The following KCND2 variants were observed in gnomAD, a reference collection of about 807,000 sequenced individuals.
KCND2 encodes the protein A-type voltage-gated potassium channel KCND2.
Under a neutral mutation model 54.4 loss-of-function variants are expected in KCND2, and 16 were observed. The ratio of observed to expected loss-of-function variants is 0.29; its 90% CI spans 0.20 to 0.45. The LOEUF (loss-of-function observed/expected upper bound fraction) is 0.45. Ranked by LOEUF, KCND2 falls within the 20% of genes least tolerant of loss-of-function variation. The pLI, the probability that KCND2 is intolerant of heterozygous loss-of-function variation, is 1.00. For missense variants in KCND2, 486 were observed against 824.2 expected, an observed-to-expected ratio of 0.59 and a Z score of 5.02; for synonymous variants, 317 against 310.7, an observed-to-expected ratio of 1.02 and a Z score of -0.21.
chr7:120,741,453 T>C (rs2116175452), intron 2 of KCND2, 81 bp from the exon 3 acceptor site: 1 of 945,304 alleles, frequency 1.1e-6, no homozygotes, highest in South Asian at 1.3e-5. Flanking sequence ...AGGCTGACAA[T>C]AGGATTATAC....
intron 1 of KCND2, among the ~76,000 whole-genome samples, chr7:120,390,411 C>T (rs1463123227): frequency 6.6e-6 from 1 of 151,932 alleles, no homozygotes; most frequent in East Asian, 1.9e-4. Context: ...TTATGGTCAG[C>T]ACTTACATAT....
At chr7:120,659,602 A>C (rs1791842229) in intron 1 of KCND2, among the ~76,000 whole-genome samples, 1 of 152,248 alleles carries the variant, frequency 6.6e-6, no homozygotes, top group South Asian at 2.1e-4. Flanking sequence ...TGTTCATTGC[A>C]TACCAGGAGT....
At chr7:120,453,527 G>A (rs543091206) in intron 1 of KCND2, among the ~76,000 whole-genome samples, 2 of 152,224 alleles carry the variant, frequency 1.3e-5, no homozygotes, top group South Asian at 2.1e-4. Context: ...ACCATAAAAC[G>A]ATCCTTAGCA....
At chr7:120,472,802 C>T (rs1802478226) in intron 1 of KCND2, among the ~76,000 whole-genome samples, 1 of 152,016 alleles carries the variant, frequency 6.6e-6, no homozygotes, top group Admixed American at 6.6e-5. Flanking sequence ...TTTGTGAAGA[C>T]AAAGTGGTGG....
At chr7:120,518,096 A>G (rs1803221539) in intron 1 of KCND2, among the ~76,000 whole-genome samples, 1 of 152,136 alleles carries the variant, frequency 6.6e-6, no homozygotes, top group Non-Finnish European at 1.5e-5. Flanking sequence ...CCATATCTCT[A>G]CACAAAGTGA....
chr7:120,671,656 A>G (rs1046105308), intron 1 of KCND2, among the ~76,000 whole-genome samples: 1 of 152,092 alleles, frequency 6.6e-6, no homozygotes, highest in African/African-American at 2.4e-5. Context: ...ACCAGATCTT[A>G]TCATCATTCC....
rs149681489 is a variant in KCND2, at chr7:120,724,867, G to A, written c.1116-8036G>A. ...TTTAAAAATCATAATTTTATAAAAT[G>A]AGGGAATAAAGTGTTAAAAACATGG... On this transcript the variant is annotated intron_variant, in intron 1 of 5. Coordinates refer to ENST00000331113, the MANE Select transcript of KCND2 (RefSeq NM_012281.3). 3.4e-3 allele frequency among the ~76,000 whole-genome samples: 521 copies of A among 152,206 alleles called. 2 individuals carry two copies. The highest frequency in any genetic ancestry group is 0.011 in the African/African-American group (476 of 41,530).
chr7:120,675,903 G>C (rs1792055397), intron 1 of KCND2, among the ~76,000 whole-genome samples: 1 of 145,194 alleles, frequency 6.9e-6, no homozygotes, highest in East Asian at 2.0e-4. Flanking sequence ...TGTCTCCCAG[G>C]CTGGAGTACG....
chr7:120,514,439 G>A (rs73437840), intron 1 of KCND2, among the ~76,000 whole-genome samples: 1,606 of 152,078 alleles, frequency 0.011, 32 homozygotes, highest in African/African-American at 0.037. Flanking sequence ...ACAAATACAC[G>A]TCACACTAAG....
At chr7:120,329,090 G>A (rs964558805) in intron 1 of KCND2, among the ~76,000 whole-genome samples, 17 of 149,246 alleles carry the variant, frequency 1.1e-4, no homozygotes, top group African/African-American at 3.4e-4. Context: ...AGATGAAACT[G>A]AAAGATAATT....
intron 1 of KCND2, among the ~76,000 whole-genome samples, chr7:120,523,384 T>G (rs1388907315): frequency 1.3e-5 from 2 of 151,334 alleles, no homozygotes; most frequent in Non-Finnish European, 3.0e-5. Context: ...ATAATAAACT[T>G]TAAAATACTA....
chr7:120,594,686 C>G (rs1157013666), intron 1 of KCND2, among the ~76,000 whole-genome samples: 1 of 152,114 alleles, frequency 6.6e-6, no homozygotes, highest in African/African-American at 2.4e-5. Context: ...CTTCCTTGCC[C>G]CAAACTTACT....
intron 1 of KCND2, among the ~76,000 whole-genome samples, chr7:120,482,413 G>A (rs1014365076): frequency 6.6e-6 from 1 of 152,058 alleles, no homozygotes; most frequent in African/African-American, 2.4e-5. Flanking sequence ...AGCTCTATTG[G>A]GATGGAATGA....
chr7:120,314,623 T>C (rs1447587122), intron 1 of KCND2, among the ~76,000 whole-genome samples: 1 of 152,184 alleles, frequency 6.6e-6, no homozygotes, highest in African/African-American at 2.4e-5. Context: ...ACAGCTAATA[T>C]ATGTCAGGGC....
chr7:120,463,179 A>G (rs769246426), intron 1 of KCND2, among the ~76,000 whole-genome samples: 10 of 151,998 alleles, frequency 6.6e-5, no homozygotes, highest in Non-Finnish European at 1.3e-4. Context: ...TTAAACCATG[A>G]CTTAATTTTA....
At chr7:120,601,593 C>T (rs927801481) in intron 1 of KCND2, among the ~76,000 whole-genome samples, 5 of 151,944 alleles carry the variant, frequency 3.3e-5, no homozygotes, top group Non-Finnish European at 7.4e-5. Context: ...AAGATTTAGC[C>T]TTCTCTACAG....
chr7:120,348,442 A>G (rs941719870), intron 1 of KCND2, among the ~76,000 whole-genome samples: 2 of 152,182 alleles, frequency 1.3e-5, no homozygotes, highest in Admixed American at 1.3e-4. Context: ...AAGACTATCA[A>G]TTTAGAACCA....
intron 1 of KCND2, among the ~76,000 whole-genome samples, chr7:120,284,233 A>C (rs946665536): frequency 1.3e-5 from 2 of 152,032 alleles, no homozygotes; most frequent in African/African-American, 4.8e-5. Flanking sequence ...TTCTTTCCAG[A>C]GGCCTATTTC....
chr7:120,715,055 C>T (rs1353517986), intron 1 of KCND2, among the ~76,000 whole-genome samples: 1 of 152,098 alleles, frequency 6.6e-6, no homozygotes, highest in East Asian at 1.9e-4. Context: ...CTTCCCTTGG[C>T]ATTCACCTTC....
Sources: allele counts gnomAD v4.1 joint callset (sites outside exome capture counted in the v4.1 genomes callset), GRCh38; gene constraint gnomAD v4.1.1; transcripts MANE v1.5; gene names NCBI Gene and HGNC (gene_info 2026-07-23, HGNC 2026-07-21).